EPM2A: variants seen among roughly 807,000 people sequenced by gnomAD.
The protein encoded by EPM2A is EPM2A glucan phosphatase, laforin.
In EPM2A, 21 loss-of-function variants were observed where a neutral mutation model predicts 26.5. The observed-to-expected ratio is 0.79, with a 90% CI of 0.56 to 1.14. The LOEUF (loss-of-function observed/expected upper bound fraction) is 1.14, where lower values mean the gene tolerates loss of function less well. Ranked by LOEUF, EPM2A falls within the 50% of genes most tolerant of loss-of-function variation. The pLI is 0.00. For synonymous variants in EPM2A, 217 were observed against 177.6 expected, an observed-to-expected ratio of 1.22 and a Z score of -1.76; for missense variants, 458 against 440.8, an observed-to-expected ratio of 1.04 and a Z score of -0.35.
intron 2 of EPM2A, among the ~76,000 whole-genome samples, chr6:145,543,674 T>C (rs1780545185): frequency 6.6e-6 from 1 of 152,194 alleles, no homozygotes; most frequent in Non-Finnish European, 1.5e-5. Flanking sequence ...ATGTGGATAT[T>C]AAGAATATAT....
chr6:145,385,351 T>G (rs1426632895), intron 4 of EPM2A, among the ~76,000 whole-genome samples: 1 of 120,380 alleles, frequency 8.3e-6, no homozygotes, highest in African/African-American at 3.1e-5. Context: ...TAGTTCTTCC[T>G]TAAATATAAA....
At chr6:145,453,545 T>C (rs1004381457) in intron 4 of EPM2A, among the ~76,000 whole-genome samples, 1 of 152,182 alleles carries the variant, frequency 6.6e-6, no homozygotes, top group African/African-American at 2.4e-5. Flanking sequence ...TTGCTGTAAC[T>C]TGACCCTGGT....
chr6:145,555,213 AATC>A (rs1780713088), intron 2 of EPM2A, among the ~76,000 whole-genome samples: 1 of 152,040 alleles, frequency 6.6e-6, no homozygotes, highest in Non-Finnish European at 1.5e-5. Flanking sequence ...CCATGCTAGC[AATC>A]ATCATGTTAG....
chr6:145,498,806 T>C (rs551979244), downstream of EPM2A, among the ~76,000 whole-genome samples: 173 of 152,338 alleles, frequency 1.1e-3, no homozygotes, highest in African/African-American at 4.0e-3. Flanking sequence ...CTGCTTCCAG[T>C]CAGTCAACTT....
rs528942650 is a variant in EPM2A, at chr6:145,453,629, T to C, written c.555+48893A>G. Among the ~76,000 whole-genome samples, 285 of 152,338 alleles carry C rather than the reference T, an allele frequency of 1.9e-3. 1 individual carries two copies. The highest frequency in any genetic ancestry group is 6.6e-3 in the African/African-American group (275 of 41,586). ...GAATTTCCTGAGGAAACTATTTCCTTTTTAATTCCCTCACTGTGTCTGCCT... is the reference window on the plus strand; with the variant it reads ...GAATTTCCTGAGGAAACTATTTCCTCTTTAATTCCCTCACTGTGTCTGCCT... On this transcript the variant is annotated intron_variant, in intron 4 of 4. Coordinates refer to the EPM2A transcript ENST00000638717.
intron 2 of EPM2A, among the ~76,000 whole-genome samples, chr6:145,667,536 G>C (rs1779299935): frequency 1.3e-5 from 2 of 151,168 alleles, no homozygotes; most frequent in Non-Finnish European, 2.9e-5. Flanking sequence ...AGAGGATGTG[G>C]AGAAATAGGA....
At chr6:145,665,486 G>C (rs1315127500) in intron 2 of EPM2A, among the ~76,000 whole-genome samples, 2 of 117,380 alleles carry the variant, frequency 1.7e-5, no homozygotes, top group African/African-American at 3.5e-5. Context: ...TCTCTGAATA[G>C]ACCAATAACA....
At chr6:145,404,682 A>G (rs4243477) in intron 4 of EPM2A, among the ~76,000 whole-genome samples, 57,015 of 151,890 alleles carry the variant, frequency 0.38, 10,969 homozygotes, top group South Asian at 0.46. Flanking sequence ...TAGGCTCAAC[A>G]ACATTGTCAA....
chr6:145,719,099 T>C (rs1466227151), intron 1 of EPM2A, among the ~76,000 whole-genome samples: 2 of 152,124 alleles, frequency 1.3e-5, no homozygotes, highest in African/African-American at 2.4e-5. Flanking sequence ...AAATACCATT[T>C]GACCCAGCCA....
chr6:145,637,265 C>T (rs896297998), intron 2 of EPM2A: 1 of 152,086 alleles, frequency 6.6e-6, no homozygotes, highest in African/African-American at 2.4e-5. Flanking sequence ...GTAGAAGATA[C>T]CCTATTTTTT....
chr6:145,563,904 C>T (rs2114817476), intron 2 of EPM2A, among the ~76,000 whole-genome samples: 1 of 152,158 alleles, frequency 6.6e-6, no homozygotes, highest in Admixed American at 6.5e-5. Flanking sequence ...TGCAGTTCTC[C>T]CTTGGTATCC....
chr6:145,615,840 AG>A (rs1045424365), intron 2 of EPM2A, among the ~76,000 whole-genome samples: 1 of 132,486 alleles, frequency 7.5e-6, no homozygotes, highest in Non-Finnish European at 1.7e-5. Context: ...GAGATGATTT[AG>A]GGTATCTGGC....
At chr6:145,472,658 T>C (rs1779490443) in intron 4 of EPM2A, among the ~76,000 whole-genome samples, 1 of 152,110 alleles carries the variant, frequency 6.6e-6, no homozygotes, top group Non-Finnish European at 1.5e-5. Context: ...TGGTGACGGC[T>C]ATGGGGTGAG....
chr6:145,630,446 C>G (rs1449743167), intron 3 of EPM2A: 4 of 151,468 alleles, frequency 2.6e-5, no homozygotes, highest in Non-Finnish European at 5.9e-5. Context: ...AACCTCATTT[C>G]TACTAAAATT....
chr6:145,477,960 G>T (rs893377392), intron 4 of EPM2A, among the ~76,000 whole-genome samples: 2 of 151,762 alleles, frequency 1.3e-5, no homozygotes, highest in Admixed American at 1.3e-4. Flanking sequence ...GATATAAAGG[G>T]CATCCAAATT....
chr6:145,735,114 G>T, intron 1 of EPM2A, 84 bp downstream of exon 1: 1 of 1,049,302 alleles, frequency 9.5e-7, no homozygotes, highest in Non-Finnish European at 1.3e-6. Flanking sequence ...GGGCCTGCGG[G>T]GCCTGCCCGA....
intron 2 of EPM2A, among the ~76,000 whole-genome samples, chr6:145,576,928 C>A (rs568141102): frequency 2.6e-4 from 39 of 151,472 alleles, no homozygotes; most frequent in Middle Eastern, 6.8e-3. Flanking sequence ...CTTTGTTTTT[C>A]TTGTGATTAG....
At chr6:145,403,415 G>A (rs1015546182) in intron 4 of EPM2A, among the ~76,000 whole-genome samples, 1 of 106,492 alleles carries the variant, frequency 9.4e-6, no homozygotes, top group African/African-American at 3.8e-5. Flanking sequence ...TGATGCCCCT[G>A]CTCTACACTA....
At chr6:145,470,669 T>C (rs1779462000) in intron 4 of EPM2A, among the ~76,000 whole-genome samples, 2 of 152,140 alleles carry the variant, frequency 1.3e-5, no homozygotes, top group African/African-American at 4.8e-5. Flanking sequence ...AAATTTCTAG[T>C]GCAAAAAGAT....
Sources: gnomAD v4.1 joint callset for allele counts (sites outside exome capture counted in the v4.1 genomes callset) on GRCh38, gnomAD v4.1.1 for gene constraint, MANE v1.5 for transcripts, NCBI Gene and HGNC (gene_info 2026-07-23, HGNC 2026-07-21) for gene names.